Variants in PDE11A observed in about 807,000 individuals in gnomAD.
PDE11A encodes dual 3',5'-cyclic-AMP and -GMP phosphodiesterase 11A.
PDE11A carries 100 observed loss-of-function variants against 100.5 expected under a neutral mutation model. The ratio of observed to expected loss-of-function variants is 1.00; its 90% CI spans 0.85 to 1.18. The LOEUF (loss-of-function observed/expected upper bound fraction) is 1.18. PDE11A is among the 50% of genes most tolerant of loss of function. PDE11A has a pLI of 0.00. For missense variants in PDE11A, 1,141 were observed against 1,152.6 expected, an observed-to-expected ratio of 0.99 and a Z score of 0.15; for synonymous variants, 381 against 420.8, an observed-to-expected ratio of 0.91 and a Z score of 1.16.
At position 177,631,322 on chromosome 2, in the gene PDE11A, A is replaced by AAC. The variant is rs1469522170; in HGVS notation, c.2647-1761_2647-1760insGT. ...AAAAAAAAAAAAAACAAAAAAAAAA[A>AAC]CAACCTAGGCGTGGTGGCACATGCC... On this transcript the variant is annotated intron_variant, in intron 19 of 19. Transcript: ENST00000286063. Among the ~76,000 whole-genome samples the AAC allele has an allele frequency of 6.4e-3, 108 of 16,864 alleles. 2 individuals carry two copies. The highest frequency in any genetic ancestry group is 0.012 in the South Asian group (4 of 334). The allele number at this position is 16,864 out of a possible 152,430, so 11.1% of individuals were successfully genotyped here.
chr2:177,916,862 G>A (rs1278893414), intron 2 of PDE11A, among the ~76,000 whole-genome samples: 2 of 150,770 alleles, frequency 1.3e-5, no homozygotes, highest in African/African-American at 4.9e-5. Flanking sequence ...CGGGTCCACC[G>A]CCATTCTCCT....
At chr2:177,637,272 A>G (rs2080053922) in intron 19 of PDE11A, among the ~76,000 whole-genome samples, 2 of 152,134 alleles carry the variant, frequency 1.3e-5, no homozygotes, top group South Asian at 4.1e-4. Flanking sequence ...ATGTTTACCT[A>G]AGTCTTTCTG....
chr2:177,763,456 A>C (rs1250186042), intron 10 of PDE11A, among the ~76,000 whole-genome samples: 1 of 152,192 alleles, frequency 6.6e-6, no homozygotes, highest in Non-Finnish European at 1.5e-5. Context: ...CAGGAAGGCC[A>C]TGAGAACTGA....
intron 2 of PDE11A, among the ~76,000 whole-genome samples, chr2:177,944,371 G>A (rs1027372962): frequency 2.0e-5 from 3 of 152,176 alleles, no homozygotes; most frequent in African/African-American, 2.4e-5. Context: ...TTCTGTCAAT[G>A]TGTAACTGGT....
chr2:178,085,453 T>C (rs949552769), intron 2 of PDE11A, among the ~76,000 whole-genome samples: 37 of 152,090 alleles, frequency 2.4e-4, no homozygotes, highest in African/African-American at 8.7e-4. Context: ...GGTGATGGCA[T>C]CCATACTCCA....
intron 3 of PDE11A, among the ~76,000 whole-genome samples, chr2:177,903,774 T>C (rs2695748): frequency 0.94 from 143,867 of 152,252 alleles, 68,499 homozygotes; most frequent in East Asian, 1. Flanking sequence ...TGGAAGGAGT[T>C]GGATTGACAT....
chr2:178,054,176 G>A (rs2086868143), intron 1 of PDE11A, among the ~76,000 whole-genome samples: 1 of 152,154 alleles, frequency 6.6e-6, no homozygotes, highest in Non-Finnish European at 1.5e-5. Flanking sequence ...ACAGAACAGA[G>A]CCCTCAGAAT....
intron 13 of PDE11A, among the ~76,000 whole-genome samples, chr2:177,704,443 A>G (rs1321361211): frequency 6.6e-6 from 1 of 152,086 alleles, no homozygotes; most frequent in East Asian, 1.9e-4. Flanking sequence ...GATTTTCTAG[A>G]CTGCCAAAGC....
intron 2 of PDE11A, among the ~76,000 whole-genome samples, chr2:177,946,870 G>A (rs1238682813): frequency 1.2e-4 from 10 of 80,686 alleles, no homozygotes; most frequent in Admixed American, 5.0e-4. Context: ...CAGCCGCCCC[G>A]TCCGGGAGGT....
intron 9 of PDE11A, among the ~76,000 whole-genome samples, chr2:177,810,113 TGAA>T (rs1365303680): frequency 2.6e-5 from 4 of 152,144 alleles, no homozygotes; most frequent in Non-Finnish European, 5.9e-5. Context: ...CCATGGCTTA[TGAA>T]GGAGGAAGGG....
intron 19 of PDE11A, among the ~76,000 whole-genome samples, chr2:177,637,316 A>G (rs2080055194): frequency 6.6e-6 from 1 of 152,140 alleles, no homozygotes; most frequent in Non-Finnish European, 1.5e-5. Context: ...TTCCTTCCCT[A>G]GAGAACTAAT....
intron 9 of PDE11A, among the ~76,000 whole-genome samples, chr2:177,783,914 C>T (rs1281763955): frequency 6.6e-6 from 1 of 152,102 alleles, no homozygotes; most frequent in East Asian, 1.9e-4. Flanking sequence ...AAGTTTATAT[C>T]TTCCAGGCTA....
At chr2:177,927,329 G>T (rs950092461) in intron 2 of PDE11A, among the ~76,000 whole-genome samples, 2 of 152,126 alleles carry the variant, frequency 1.3e-5, no homozygotes, top group Non-Finnish European at 2.9e-5. Context: ...GCCACTTGTC[G>T]TACTTATGTC....
rs2079875682 is a variant in PDE11A, at chr2:177,628,978, C to T, written c.*429G>A. ...GGACAGTCTGGCACAAAAAGGCATT[C>T]AGGGACAGGAAGCAAAGACAGGCAG... On this transcript the variant is annotated 3_prime_UTR_variant, in exon 20 of 20. Transcript: ENST00000286063. 4.6e-6 allele frequency: 1 copy of T among 218,992 alleles called. No homozygotes were observed. Among genetic ancestry groups the T allele is most frequent in the Non-Finnish European group, 9.2e-6 (1 of 108,348 alleles). 13.6% of individuals were successfully genotyped at this position (218,992 alleles called of 1,614,324 possible).
At chr2:177,694,680 A>G (rs1561315) in intron 15 of PDE11A, among the ~76,000 whole-genome samples, 104,009 of 152,118 alleles carry the variant, frequency 0.68, 38,876 homozygotes, top group East Asian at 0.82. Flanking sequence ...AATTAAAATT[A>G]TATTTATCAA....
intron 18 of PDE11A, among the ~76,000 whole-genome samples, chr2:177,669,066 C>T (rs900276005): frequency 6.6e-6 from 1 of 152,094 alleles, no homozygotes; most frequent in African/African-American, 2.4e-5. Context: ...ACAAAAGAAA[C>T]AGAGATTTGA....
At chr2:177,957,047 A>G (rs1164397109) in intron 2 of PDE11A, among the ~76,000 whole-genome samples, 3 of 152,036 alleles carry the variant, frequency 2.0e-5, no homozygotes, top group African/African-American at 7.2e-5. Context: ...AACTTAAAGT[A>G]TAATAATAAT....
intron 10 of PDE11A, among the ~76,000 whole-genome samples, chr2:177,735,223 T>C (rs1239197461): frequency 1.3e-5 from 2 of 152,144 alleles, no homozygotes. Context: ...TTCCAAACTG[T>C]CATTAAACCT....
intron 12 of PDE11A, among the ~76,000 whole-genome samples, chr2:177,722,202 C>T (rs1251357010): frequency 6.6e-6 from 1 of 152,160 alleles, no homozygotes; most frequent in Non-Finnish European, 1.5e-5. Flanking sequence ...ACGTATAAGC[C>T]TATGTCCGTG....
Sources: gnomAD v4.1 joint callset for allele counts (sites outside exome capture counted in the v4.1 genomes callset) on GRCh38, gnomAD v4.1.1 for gene constraint, MANE v1.5 for transcripts, NCBI Gene and HGNC (gene_info 2026-07-23, HGNC 2026-07-21) for gene names.